CSMD1: variants seen among roughly 807,000 people sequenced by gnomAD.
The protein encoded by CSMD1 is CUB and sushi domain-containing protein 1.
CSMD1 carries 213 observed loss-of-function variants against 417.5 expected under a neutral mutation model. The observed-to-expected ratio is 0.51, with a 90% CI of 0.46 to 0.57. CSMD1 has a LOEUF of 0.57. Among genes scored for constraint, CSMD1 ranks in the 20% least tolerant of loss-of-function variants. The pLI is 0.00. For missense variants in CSMD1, 6,923 were observed against 4,529.7 expected (o/e 1.53, Z -15.17); for synonymous variants, 2,862 against 1,736.8 (o/e 1.65, Z -16.11).
intron 3 of CSMD1, among the ~76,000 whole-genome samples, chr8:4,077,295 GTGTATATATATATATATATATATA>G (rs1799872729): frequency 1.1e-5 from 1 of 88,900 alleles, no homozygotes; most frequent in African/African-American, 4.3e-5. Flanking sequence ...ATATATATAT[GTGTATATATATATATATATATATA>G]TATGGTAGAC....
chr8:3,482,092 A>G (rs1337336120), intron 11 of CSMD1, among the ~76,000 whole-genome samples: 5 of 152,228 alleles, frequency 3.3e-5, no homozygotes, highest in Non-Finnish European at 5.9e-5. Context: ...AAAACTTAAT[A>G]ACCCTTAGGA....
At chr8:3,397,421 C>A (rs765843987) in intron 16 of CSMD1, among the ~76,000 whole-genome samples, 5 of 152,178 alleles carry the variant, frequency 3.3e-5, no homozygotes, top group Non-Finnish European at 7.3e-5. Context: ...CATGGATACA[C>A]TGATTAGTGC....
At chr8:3,548,839 G>A (rs538588801) in intron 10 of CSMD1, among the ~76,000 whole-genome samples, 2 of 152,058 alleles carry the variant, frequency 1.3e-5, no homozygotes, top group Non-Finnish European at 1.5e-5. Context: ...CTTGCTAGGA[G>A]GGCAGGCAGG....
intron 49 of CSMD1, among the ~76,000 whole-genome samples, chr8:3,081,469 T>G (rs1419798899): frequency 6.6e-6 from 1 of 152,194 alleles, no homozygotes; most frequent in East Asian, 1.9e-4. Context: ...TTATTTTTCT[T>G]TTTTTACAGT....
At chr8:4,551,468 T>A (rs1232231484) in intron 2 of CSMD1, among the ~76,000 whole-genome samples, 1 of 152,154 alleles carries the variant, frequency 6.6e-6, no homozygotes, top group East Asian at 1.9e-4. Flanking sequence ...GGATTTGACC[T>A]GATGGTGATA....
chr8:3,744,183 G>A (rs527583257), intron 6 of CSMD1, among the ~76,000 whole-genome samples: 4 of 152,308 alleles, frequency 2.6e-5, no homozygotes, highest in South Asian at 2.1e-4. Flanking sequence ...AAGGTCTGGC[G>A]GGAGTGGGAG....
intron 5 of CSMD1, among the ~76,000 whole-genome samples, chr8:3,884,005 A>C (rs1806386710): frequency 6.6e-6 from 1 of 152,322 alleles, no homozygotes; most frequent in Admixed American, 6.5e-5. Flanking sequence ...GAAGGTCAGA[A>C]TTTGCTAAAT....
intron 1 of CSMD1, among the ~76,000 whole-genome samples, chr8:4,836,935 C>A (rs952641732): frequency 6.6e-6 from 1 of 152,046 alleles, no homozygotes; most frequent in Non-Finnish European, 1.5e-5. Flanking sequence ...AATGGGAAAC[C>A]TCCATGGCTG....
At position 4,266,755 on chromosome 8, in the gene CSMD1, C is replaced by A. The variant is rs1357773678; in HGVS notation, c.415+153198G>T. 8.6e-5 allele frequency among the ~76,000 whole-genome samples: 9 copies of A among 104,356 alleles called. 2 individuals are homozygous for A. Among genetic ancestry groups the A allele is most frequent in the African/African-American group, 2.3e-4 (9 of 38,352 alleles). 68.5% of individuals were successfully genotyped at this position (104,356 alleles called of 152,430 possible). ...TTTTGTCTAATAAAAATTTGATGAT[C>A]TATAAATCCTCAAAATAGTAGCACA... On this transcript the variant is annotated intron_variant, in intron 3 of 69. Transcript: ENST00000635120.
At chr8:3,516,461 A>C (rs929430920) in intron 10 of CSMD1, among the ~76,000 whole-genome samples, 1 of 152,124 alleles carries the variant, frequency 6.6e-6, no homozygotes, top group South Asian at 2.1e-4. Flanking sequence ...GAGTCATTGG[A>C]GTTGCCACTT....
chr8:4,348,206 T>C (rs1485596660), intron 3 of CSMD1, among the ~76,000 whole-genome samples: 1 of 151,992 alleles, frequency 6.6e-6, no homozygotes, highest in Admixed American at 6.6e-5. Flanking sequence ...GCTGGGAAAA[T>C]GTATATAAGA....
At chr8:4,430,244 C>T (rs1658819) in intron 2 of CSMD1, among the ~76,000 whole-genome samples, 122,877 of 151,780 alleles carry the variant, frequency 0.81, 50,043 homozygotes, top group African/African-American at 0.87. Flanking sequence ...AATACTGGGT[C>T]GGAGAAGAAA....
At chr8:4,229,460 A>G (rs889499504) in intron 3 of CSMD1, among the ~76,000 whole-genome samples, 1 of 152,190 alleles carries the variant, frequency 6.6e-6, no homozygotes. Flanking sequence ...GAAGACCCAC[A>G]ATCACCAACA....
intron 3 of CSMD1, among the ~76,000 whole-genome samples, chr8:4,405,783 G>C (rs1002856573): frequency 6.6e-6 from 1 of 152,168 alleles, no homozygotes; most frequent in Non-Finnish European, 1.5e-5. Context: ...ATTTGAGTTT[G>C]TTGAGTGATT....
At chr8:4,088,440 G>A (rs986697340) in intron 3 of CSMD1, among the ~76,000 whole-genome samples, 1 of 152,146 alleles carries the variant, frequency 6.6e-6, no homozygotes, top group South Asian at 2.1e-4. Flanking sequence ...GAATTTCTCA[G>A]CCTCTGTCTC....
intron 1 of CSMD1, among the ~76,000 whole-genome samples, chr8:4,681,247 G>A (rs950104452): frequency 2.6e-5 from 4 of 152,032 alleles, no homozygotes; most frequent in East Asian, 1.9e-4. Context: ...CCTAGATATC[G>A]ATATGAATAA....
At chr8:3,738,121 T>C (rs2129049488) in intron 6 of CSMD1, among the ~76,000 whole-genome samples, 1 of 152,342 alleles carries the variant, frequency 6.6e-6, no homozygotes, top group East Asian at 1.9e-4. Flanking sequence ...ACATACACTT[T>C]TATTTACTAA....
chr8:3,428,264 T>G (rs1813984990), intron 12 of CSMD1, among the ~76,000 whole-genome samples: 1 of 152,124 alleles, frequency 6.6e-6, no homozygotes, highest in African/African-American at 2.4e-5. Context: ...AAAAGTCACT[T>G]TAGAAAACAA....
At chr8:3,482,165 C>G (rs1438775442) in intron 11 of CSMD1, among the ~76,000 whole-genome samples, 2 of 152,050 alleles carry the variant, frequency 1.3e-5, no homozygotes, top group Non-Finnish European at 2.9e-5. Flanking sequence ...AAATGCCAGA[C>G]AAAGCACTAA....
Sources: gnomAD v4.1 joint callset for allele counts (sites outside exome capture counted in the v4.1 genomes callset) on GRCh38, gnomAD v4.1.1 for gene constraint, MANE v1.5 for transcripts, NCBI Gene and HGNC (gene_info 2026-07-23, HGNC 2026-07-21) for gene names.